PDCD6: variants seen among roughly 807,000 people sequenced by gnomAD.
PDCD6 encodes programmed cell death protein 6.
PDCD6 carries 12 observed loss-of-function variants against 28.3 expected under a neutral mutation model. That is an observed-to-expected ratio of 0.42 (90% confidence interval 0.27 to 0.69). The LOEUF is 0.69. PDCD6 is among the 30% of genes least tolerant of loss of function. The pLI is 0.22. For missense variants in PDCD6, 226 were observed against 269.9 expected, an observed-to-expected ratio of 0.84 and a Z score of 1.14; for synonymous variants, 92 against 108.0, an observed-to-expected ratio of 0.85 and a Z score of 0.92.
chr5:284,641 G>A lies in PDCD6; in HGVS notation c.163+11869G>A, dbSNP rs973880905. Reference sequence around the variant, plus strand: ...GAGGTGATGTTCCAGGTTGAGGACCGTGCAGCTGGAGACCGGGCGGGAGCT... The same window carrying A: ...GAGGTGATGTTCCAGGTTGAGGACCATGCAGCTGGAGACCGGGCGGGAGCT... On this transcript the variant is annotated intron_variant, in intron 2 of 5. Coordinates refer to ENST00000264933, the MANE Select transcript of PDCD6 (RefSeq NM_013232.4). Among the ~76,000 whole-genome samples, 5 of 151,416 alleles carry A rather than the reference G, an allele frequency of 3.3e-5. No homozygotes were observed. In the East Asian group the frequency reaches 5.9e-4, roughly 18 times the overall value.
At chr5:279,813 G>A (rs2943343) in intron 2 of PDCD6, among the ~76,000 whole-genome samples, 8 of 147,530 alleles carry the variant, frequency 5.4e-5, no homozygotes, top group Non-Finnish European at 1.0e-4. Context: ...AAAACGAGGA[G>A]CCGGTGCTGC....
At chr5:288,294 ATAT>A (rs1739106421) in intron 2 of PDCD6, among the ~76,000 whole-genome samples, 2 of 106,440 alleles carry the variant, frequency 1.9e-5, no homozygotes, top group Non-Finnish European at 4.6e-5. Context: ...TATATATATT[ATAT>A]ATATATATAT....
rs557967615 is a variant in PDCD6, at chr5:296,707, T to C, written c.164-7470T>C. On this transcript the variant is annotated intron_variant, in intron 2 of 5. Coordinates refer to ENST00000264933, the MANE Select transcript of PDCD6 (RefSeq NM_013232.4). ...TAATTGCAGGCAAGGCAAGGGAAGGTGGACCAGAAAGGTGAGGAGGACGCT... is the reference window on the plus strand; with the variant it reads ...TAATTGCAGGCAAGGCAAGGGAAGGCGGACCAGAAAGGTGAGGAGGACGCT... 2.6e-5 allele frequency among the ~76,000 whole-genome samples: 4 copies of C among 152,258 alleles called. No homozygotes were observed. The South Asian group carries it at 8.3e-4, about 32-fold the overall frequency.
chr5:310,014 C>T (rs1267085905), intron 4 of PDCD6: 12 of 240,184 alleles, frequency 5.0e-5, no homozygotes, highest in South Asian at 9.9e-5. Flanking sequence ...TGATGGCCGC[C>T]GTCCCCGTGC....
rs759962998 is a variant in PDCD6 at position 314,552 on chromosome 5, G to C, written c.*37G>C. ...CGTGAAGAGCAGCACAACATGGAAA[G>C]AGCCAAAATGTCACAGTTCCTATCT... On this transcript the variant is annotated 3_prime_UTR_variant, in exon 6 of 6. Transcript: ENST00000264933. 23 of 1,401,168 alleles carry C rather than the reference G, an allele frequency of 1.6e-5. No individual in the cohort carries two copies. The African/African-American group carries it at 3.2e-4, about 20-fold the overall frequency. 86.8% of individuals were successfully genotyped at this position (1,401,168 alleles called of 1,614,324 possible).
At chr5:312,388 GT>G (rs2126785088) in intron 5 of PDCD6, 1 of 152,320 alleles carries the variant, frequency 6.6e-6, no homozygotes, top group East Asian at 1.9e-4. Context: ...ACAGCATGGG[GT>G]TTTTAGAAAT....
rs1400075522 is a variant in PDCD6, at chr5:307,101, C to T, written c.367+341C>T. On this transcript the variant is annotated intron_variant, in intron 4 of 5. Coordinates refer to ENST00000264933, the MANE Select transcript of PDCD6 (RefSeq NM_013232.4). The surrounding 1 kb of genome is among the most constrained non-coding windows in gnomAD (Gnocchi z 6.1). ...CCGTGGGGCAGGGCAGCTTATATTT[C>T]ATGATAGATCAAAGCACGTTGAAAA... Among the ~76,000 whole-genome samples the T allele has an allele frequency of 1.3e-5, 2 of 152,188 alleles. No individual in the cohort carries two copies. Among genetic ancestry groups the T allele is most frequent in the African/African-American group, 4.8e-5 (2 of 41,438 alleles).
At chr5:303,682 ACTT>A (rs1740279768) in intron 2 of PDCD6, among the ~76,000 whole-genome samples, 1 of 151,674 alleles carries the variant, frequency 6.6e-6, no homozygotes, top group Admixed American at 6.6e-5. Context: ...GGGGTCTGGT[ACTT>A]GCACCTTTCA....
chr5:299,797 C>T (rs1244845512), intron 2 of PDCD6, among the ~76,000 whole-genome samples: 4 of 152,190 alleles, frequency 2.6e-5, no homozygotes, highest in Non-Finnish European at 4.4e-5. Context: ...GATCCGCCCG[C>T]CTTGGCCTCC....
intron 2 of PDCD6, among the ~76,000 whole-genome samples, chr5:299,390 C>G (rs1475813751): frequency 6.7e-6 from 1 of 149,470 alleles, no homozygotes; most frequent in African/African-American, 2.5e-5. Flanking sequence ...ATGCTGGAAC[C>G]GTGATCAGCC....
At chr5:276,612 T>A in intron 2 of PDCD6, 1 of 981,630 alleles carries the variant, frequency 1.0e-6, no homozygotes, top group Non-Finnish European at 1.2e-6. Flanking sequence ...ATTTCTATAA[T>A]AATTGTGCTC....
intron 2 of PDCD6, among the ~76,000 whole-genome samples, chr5:277,166 C>T (rs1738247913): frequency 6.6e-6 from 1 of 152,252 alleles, no homozygotes; most frequent in Non-Finnish European, 1.5e-5. Flanking sequence ...TGCTCTATCG[C>T]CCAGGCTGGA....
In PDCD6 at chr5:307,063, A is replaced by G. The variant is rs886994501; in HGVS notation, c.367+303A>G. Among the ~76,000 whole-genome samples the G allele has an allele frequency of 4.6e-5, 7 of 152,184 alleles. No homozygotes were observed. Among genetic ancestry groups the G allele is most frequent in the African/African-American group, 1.7e-4 (7 of 41,444 alleles). On this transcript the variant is annotated intron_variant, in intron 4 of 5. Transcript: ENST00000264933. This position sits in a 1 kb window ranked among gnomAD's most constrained non-coding sequence, Gnocchi z 6.1. Reference sequence around the variant, plus strand: ...GGCTTTTGAAATCATTTAAAAGTGGATCCATGAAAATACCGTGGGGCAGGG... The same window carrying G: ...GGCTTTTGAAATCATTTAAAAGTGGGTCCATGAAAATACCGTGGGGCAGGG...
intron 2 of PDCD6, chr5:290,353 C>T: frequency 1.8e-6 from 2 of 1,103,298 alleles, no homozygotes; most frequent in African/African-American, 1.5e-5. Flanking sequence ...GCCTCCGCCT[C>T]CCTCCGCAGG....
Position 279,794 on chromosome 5 carries a change from A to AC in PDCD6, c.163+7022_163+7023insC, listed in dbSNP as rs1299897134. Reference sequence around the variant, plus strand: ...ATTAAAAGTAATGGCAAAAAAAAAAAAAAAAAAAAAAACGAGGAGCCGGTG... The same window carrying AC: ...ATTAAAAGTAATGGCAAAAAAAAAAACAAAAAAAAAAAACGAGGAGCCGGTG... On this transcript the variant is annotated intron_variant, in intron 2 of 5. Transcript: ENST00000264933. 4.1e-5 allele frequency among the ~76,000 whole-genome samples: 6 copies of AC among 147,956 alleles called. 1 individual carries two copies. The East Asian group carries it at 9.7e-4, about 24-fold the overall frequency.
In PDCD6 at chr5:314,658, T is replaced by A; in HGVS notation, c.*143T>A. 2 of 705,968 alleles carry A rather than the reference T, an allele frequency of 2.8e-6. No homozygotes were observed. Among genetic ancestry groups the A allele is most frequent in the Non-Finnish European group, 5.2e-6 (2 of 387,928 alleles). The allele number at this position is 705,968 out of a possible 1,614,324, so 43.7% of individuals were successfully genotyped here. ...ACGTGGGGACCCAGCTGTACATATG[T>A]GGATAAGCTGATTAATGGTTTTGCA... On this transcript the variant is annotated 3_prime_UTR_variant, in exon 6 of 6. Transcript: ENST00000264933.
At chr5:313,387 G>A (rs1480084221) in intron 5 of PDCD6, among the ~76,000 whole-genome samples, 4 of 152,178 alleles carry the variant, frequency 2.6e-5, no homozygotes, top group African/African-American at 7.2e-5. Flanking sequence ...TATCCATTGC[G>A]GTGCTTTTGG....
intron 2 of PDCD6, among the ~76,000 whole-genome samples, chr5:294,927 G>T (rs7731054): frequency 0.23 from 34,212 of 150,138 alleles, 5,423 homozygotes; most frequent in African/African-American, 0.49. Flanking sequence ...GTTTCGGTGC[G>T]CACAGGCCGA....
chr5:282,897 C>T (rs1159163439), intron 2 of PDCD6, among the ~76,000 whole-genome samples: 3 of 151,882 alleles, frequency 2.0e-5, no homozygotes, highest in Admixed American at 2.0e-4. Flanking sequence ...CGGGGATGAG[C>T]TGAGGTTCTA....
Sources: allele counts gnomAD v4.1 joint callset (sites outside exome capture counted in the v4.1 genomes callset), GRCh38; gene constraint gnomAD v4.1.1; non-coding constraint Gnocchi (gnomAD v3.1); transcripts MANE v1.5; gene names NCBI Gene and HGNC (gene_info 2026-07-23, HGNC 2026-07-21).